The following DHX30 variants were observed in gnomAD, a reference collection of about 807,000 sequenced individuals.
DHX30 encodes the protein ATP-dependent RNA helicase DHX30.
DHX30 carries 4 observed loss-of-function variants against 116.9 expected under a neutral mutation model. The ratio of observed to expected loss-of-function variants is 0.03; its 90% CI spans 0.02 to 0.08. The LOEUF (loss-of-function observed/expected upper bound fraction) is 0.08, where lower values mean the gene tolerates loss of function less well. DHX30 is among the 10% of genes least tolerant of loss of function. The pLI is 1.00. For synonymous variants in DHX30, 697 were observed against 651.7 expected, an observed-to-expected ratio of 1.07 and a Z score of -1.06; for missense variants, 871 against 1,595.1, an observed-to-expected ratio of 0.55 and a Z score of 7.73.
In DHX30 at chr3:47,840,974, G is replaced by A. The variant is rs139889547; in HGVS notation, c.464G>A (p.Arg155His). The A allele has an allele frequency of 6.8e-6, 11 of 1,614,074 alleles. No individual in the cohort carries two copies. Among genetic ancestry groups the A allele is most frequent in the Middle Eastern group, 1.6e-4 (1 of 6,084 alleles). Residue 155 changes from arginine to histidine, a missense_variant, in exon 7 of 22, where the codon CGT becomes CAT. By Grantham distance (29) the Arg-to-His change is conservative (BLOSUM62 0). Coordinates refer to ENST00000445061, the MANE Select transcript of DHX30 (RefSeq NM_138615.3). The part of the protein sequence containing the change: ...RFGSPADSWW[R>H]PEPTMPPTSW... ...GGCTCCCCTGCCGACAGCTGGTGGC[G>A]TCCGGAACCCACCATGCCCCCTACT...
At chr3:47,833,773 G>A (rs1486447577) in intron 6 of DHX30, among the ~76,000 whole-genome samples, 2 of 151,742 alleles carry the variant, frequency 1.3e-5, no homozygotes, top group African/African-American at 2.4e-5. Context: ...CAGGAGAATC[G>A]GTTGAACCCA....
chr3:47,843,320 CAA>C, intron 9 of DHX30, 65 bp downstream of exon 9: 3 of 1,589,818 alleles, frequency 1.9e-6, no homozygotes, highest in Non-Finnish European at 2.6e-6. Flanking sequence ...CTGCCAGTGG[CAA>C]ATGGGTCCCA....
chr3:47,824,377 T>C (rs759024806), intron 4 of DHX30, among the ~76,000 whole-genome samples: 9 of 152,162 alleles, frequency 5.9e-5, no homozygotes, highest in African/African-American at 9.7e-5. Flanking sequence ...CTGGGTGTTT[T>C]CACCTTCCCC....
chr3:47,826,729 GGCGT>G (rs2036572083), intron 4 of DHX30, among the ~76,000 whole-genome samples: 1 of 152,240 alleles, frequency 6.6e-6, no homozygotes, highest in Non-Finnish European at 1.5e-5. Flanking sequence ...TGGGATTACA[GGCGT>G]GAGCCACCAC....
Position 47,849,054 on chromosome 3 carries a change from C to T in DHX30, c.2904C>T (p.Tyr968=), listed in dbSNP as rs778831172. The T allele has an allele frequency of 1.5e-5, 24 of 1,611,458 alleles. No homozygotes were observed. The highest frequency in any genetic ancestry group is 8.0e-5 in the African/African-American group (6 of 75,016). ...RENYLEENLL[Y]APSLRFIHGL... ...ATTACCTGGAGGAAAACCTGCTGTACGCACCCAGCCTGCGCTTCATCCACG... is the reference window on the plus strand; with the variant it reads ...ATTACCTGGAGGAAAACCTGCTGTATGCACCCAGCCTGCGCTTCATCCACG... The change falls in exon 18 of 22, where the codon TAC becomes TAT. Residue 968 remains tyrosine (Y), a synonymous_variant. Transcript: ENST00000445061.
chr3:47,808,908 G>A (rs1384755196), intron 2 of DHX30, among the ~76,000 whole-genome samples: 5 of 149,114 alleles, frequency 3.4e-5, no homozygotes, highest in Admixed American at 2.0e-4. Flanking sequence ...TTTTTTTTGA[G>A]ACAGAGTCTC....
At chr3:47,844,570 G>A (rs2037515896) in intron 9 of DHX30, among the ~76,000 whole-genome samples, 1 of 152,248 alleles carries the variant, frequency 6.6e-6, no homozygotes, top group Non-Finnish European at 1.5e-5. Context: ...CCAGATTCCT[G>A]TCCTTTAGGT....
At chr3:47,845,972 G>T in intron 10 of DHX30, 120 bp downstream of exon 10, 3 of 1,480,506 alleles carry the variant, frequency 2.0e-6, no homozygotes, top group Non-Finnish European at 2.7e-6. Context: ...ACTGAGTTTG[G>T]GGCCTGGGAT....
chr3:47,841,856 C>A, intron 8 of DHX30, 119 bp downstream of exon 8: 1 of 1,402,654 alleles, frequency 7.1e-7, no homozygotes, highest in Non-Finnish European at 9.9e-7. Flanking sequence ...AAACCTAGGC[C>A]AGGTGGAGGA....
At chr3:47,814,389 C>T (rs1450484090) in intron 3 of DHX30, among the ~76,000 whole-genome samples, 5 of 138,292 alleles carry the variant, frequency 3.6e-5, no homozygotes, top group African/African-American at 1.4e-4. Context: ...CACACCACTG[C>T]ACTCTAGCCT....
At chr3:47,845,628 C>T (rs1018662626) in intron 9 of DHX30, 72 bp from the exon 10 acceptor site, 10 of 1,407,390 alleles carry the variant, frequency 7.1e-6, no homozygotes, top group Non-Finnish European at 9.4e-6. Context: ...TGCGTTGGAG[C>T]TCCTGAGCTT....
Position 47,814,887 on chromosome 3 carries a change from AT to A in DHX30, c.29-3134del, listed in dbSNP as rs974949836. Among the ~76,000 whole-genome samples, 34 of 151,798 alleles carry A rather than the reference AT, an allele frequency of 2.2e-4. 1 individual carries two copies. Among genetic ancestry groups the A allele is most frequent in the Admixed American group, 2.6e-4 (4 of 15,214 alleles). ...TTTAAGAAATAAAATAATTAAAAAA[AT>A]AATTTTTTTTTTTTTGGTGGAAACA... On this transcript the variant is annotated intron_variant, in intron 3 of 21. Coordinates refer to ENST00000445061, the MANE Select transcript of DHX30 (RefSeq NM_138615.3).
rs1346455387 is a variant in DHX30, at chr3:47,847,903, C to T, written c.2233C>T (p.His745Tyr). 1 of 1,614,080 alleles carries T rather than the reference C, an allele frequency of 6.2e-7. No homozygotes were observed. The highest frequency in any genetic ancestry group is 1.3e-5 in the African/African-American group (1 of 74,936). ...TTCCATCACAATCAATGACATCGTG[C>T]ATGTGGTGGACAGTGGGCTGCACAA... is the stretch of plus-strand genomic sequence containing the variant. Reference protein sequence around the residue: ...ETSITINDIVHVVDSGLHKEE... With the variant: ...ETSITINDIVYVVDSGLHKEE... Residue 745 changes from histidine to tyrosine, a missense_variant, in exon 14 of 22, where the codon CAT becomes TAT. His to Tyr is a moderately conservative substitution (Grantham distance 83, BLOSUM62 2). This residue lies in a region of DHX30 where 20 missense variants were observed against 82.2 expected (regional missense o/e 0.24). Coordinates refer to ENST00000445061, the MANE Select transcript of DHX30 (RefSeq NM_138615.3). This position sits in a 1 kb window ranked among gnomAD's most constrained non-coding sequence, Gnocchi z 5.5.
chr3:47,848,236 C>T lies in DHX30; in HGVS notation c.2343C>T (p.Gly781=), dbSNP rs767564039. ...VSRANVIQRR[G]RAGRCQSGFA... ...GAGCCAATGTGATCCAGCGCCGGGG[C>T]CGGGCGGGCCGCTGCCAGTCCGGCT... The change falls in exon 15 of 22, where the codon GGC becomes GGT. Residue 781 remains glycine, a synonymous_variant. Transcript: ENST00000445061. This position sits in a 1 kb window ranked among gnomAD's most constrained non-coding sequence, Gnocchi z 9.4. The T allele has an allele frequency of 8.7e-6, 14 of 1,613,320 alleles. No individual in the cohort carries two copies. Among genetic ancestry groups the T allele is most frequent in the Middle Eastern group, 1.6e-4 (1 of 6,084 alleles).
rs778761220 is a variant in DHX30 at position 47,847,227 on chromosome 3, C to T, written c.1930-46C>T. 3 of 1,611,898 alleles carry T rather than the reference C, an allele frequency of 1.9e-6. No homozygotes were observed. In the South Asian group the frequency reaches 3.3e-5, roughly 18 times the overall value. On this transcript the variant is annotated intron_variant, in intron 11 of 21. Transcript: ENST00000445061. The surrounding 1 kb of genome is among the most constrained non-coding windows in gnomAD (Gnocchi z 5.5). ...CAGGTGGCTGTGTCCTTGGCATGACCCCTTACCCCGGGGCTGTGACTGTGG... is the reference window on the plus strand; with the variant it reads ...CAGGTGGCTGTGTCCTTGGCATGACTCCTTACCCCGGGGCTGTGACTGTGG...
intron 3 of DHX30, among the ~76,000 whole-genome samples, chr3:47,817,325 T>G (rs1177447613): frequency 1.3e-5 from 2 of 152,206 alleles, no homozygotes; most frequent in Non-Finnish European, 2.9e-5. Context: ...ATTTCCACCT[T>G]CCCGTGGAAG....
At chr3:47,806,924 A>G (rs1290911140) in intron 2 of DHX30, among the ~76,000 whole-genome samples, 2 of 150,466 alleles carry the variant, frequency 1.3e-5, no homozygotes, top group East Asian at 2.1e-4. Context: ...TTACTGCATT[A>G]TGGCCGGTCG....
At chr3:47,829,639 A>G (rs35582375) in intron 6 of DHX30, among the ~76,000 whole-genome samples, 91,554 of 151,456 alleles carry the variant, frequency 0.6, 28,977 homozygotes, top group East Asian at 0.72. Flanking sequence ...CTCGTAATCT[A>G]TTTTCTGTGG....
intron 4 of DHX30, among the ~76,000 whole-genome samples, chr3:47,826,591 G>A (rs1233731490): frequency 2.0e-5 from 3 of 151,990 alleles, no homozygotes; most frequent in African/African-American, 4.8e-5. Flanking sequence ...GACTACAGGC[G>A]CCTGCCACCA....
Sources: gnomAD v4.1 joint callset for allele counts (sites outside exome capture counted in the v4.1 genomes callset) on GRCh38, gnomAD v4.1.1 for gene constraint, gnomAD v4.1.1 regional missense constraint, Gnocchi (gnomAD v3.1) non-coding constraint, MANE v1.5 for transcripts, NCBI Gene and HGNC (gene_info 2026-07-23, HGNC 2026-07-21) for gene names.